Variants in ESRRG observed in about 807,000 individuals in gnomAD.
The protein encoded by ESRRG is estrogen-related receptor gamma.
ESRRG carries 13 observed loss-of-function variants against 44.0 expected under a neutral mutation model. The observed-to-expected ratio is 0.30, with a 90% CI of 0.19 to 0.47. The LOEUF is 0.47. ESRRG is among the 20% of genes least tolerant of loss of function. The probability of loss-of-function intolerance (pLI) is 1.00; values close to 1 mark genes in which losing one functional copy is unlikely to be tolerated. For synonymous variants in ESRRG, 215 were observed against 214.6 expected, an observed-to-expected ratio of 1.00 and a Z score of -0.02; for missense variants, 395 against 580.6, an observed-to-expected ratio of 0.68 and a Z score of 3.29.
intron 2 of ESRRG, among the ~76,000 whole-genome samples, chr1:216,768,610 C>T (rs897268736): frequency 6.6e-6 from 1 of 152,112 alleles, no homozygotes; most frequent in Non-Finnish European, 1.5e-5. Flanking sequence ...TTGCCTCAGC[C>T]TCCTCAGTAG....
At chr1:217,134,619 G>A (rs185602300) in intron 1 of ESRRG, among the ~76,000 whole-genome samples, 63 of 152,294 alleles carry the variant, frequency 4.1e-4, no homozygotes, top group African/African-American at 1.4e-3. Flanking sequence ...ACTTTGACCC[G>A]CCGTGCGCGA....
At chr1:216,647,392 T>C (rs2067858388) in intron 3 of ESRRG, among the ~76,000 whole-genome samples, 1 of 152,168 alleles carries the variant, frequency 6.6e-6, no homozygotes, top group African/African-American at 2.4e-5. Context: ...TTCAACAAAT[T>C]ATCATTTGTT....
chr1:216,934,933 C>T (rs372124657), intron 2 of ESRRG, among the ~76,000 whole-genome samples: 3 of 151,932 alleles, frequency 2.0e-5, no homozygotes, highest in Non-Finnish European at 2.9e-5. Flanking sequence ...AATGAATGGC[C>T]GGTATGTAGT....
At chr1:216,976,966 C>G (rs764657582) in intron 1 of ESRRG, among the ~76,000 whole-genome samples, 1 of 152,104 alleles carries the variant, frequency 6.6e-6, no homozygotes, top group Non-Finnish European at 1.5e-5. Context: ...TATGGAGCAT[C>G]TGGAATGGAG....
intron 2 of ESRRG, among the ~76,000 whole-genome samples, chr1:216,827,433 T>C (rs1443447563): frequency 6.6e-6 from 1 of 152,214 alleles, no homozygotes; most frequent in Non-Finnish European, 1.5e-5. Flanking sequence ...AATGCTGAGA[T>C]AAATCCTAGC....
At chr1:217,090,397 C>T (rs1212589045), upstream of ESRRG, 1 of 152,122 alleles carries the variant, frequency 6.6e-6, no homozygotes, top group Non-Finnish European at 1.5e-5. Flanking sequence ...AACCCACCTC[C>T]CAACCCTGAA....
At chr1:216,656,595 T>G (rs1210134988) in intron 2 of ESRRG, among the ~76,000 whole-genome samples, 1 of 152,196 alleles carries the variant, frequency 6.6e-6, no homozygotes, top group Non-Finnish European at 1.5e-5. Flanking sequence ...ATTTGTATAT[T>G]CCTTTCAGTC....
chr1:216,891,369 T>G (rs2149401718), intron 2 of ESRRG, among the ~76,000 whole-genome samples: 1 of 152,376 alleles, frequency 6.6e-6, no homozygotes, highest in South Asian at 2.1e-4. Context: ...CTAATGAAAC[T>G]TACTTTTCTC....
intron 1 of ESRRG, among the ~76,000 whole-genome samples, chr1:217,059,330 T>G (rs2087850316): frequency 6.6e-6 from 1 of 152,030 alleles, no homozygotes. Context: ...TTACATAGTT[T>G]TTATAAGTCT....
rs1175139909 is a variant in ESRRG, at chr1:216,504,089, T to C, written c.*2850A>G. 1.3e-5 allele frequency: 2 copies of C among 152,534 alleles called. No individual in the cohort carries two copies. The highest frequency in any genetic ancestry group is 2.9e-5 in the Non-Finnish European group (2 of 67,976). 9.4% of individuals were successfully genotyped at this position (152,534 alleles called of 1,614,324 possible). ...GTTACTTAAACTGAAAACTAAAAAA[T>C]TGTATCTCATTCTTTGAACATATCT... On this transcript the variant is annotated 3_prime_UTR_variant, in exon 7 of 7. Coordinates refer to ENST00000408911, the MANE Select transcript of ESRRG (RefSeq NM_001438.4).
chr1:216,539,031 C>T (rs1185471856), intron 5 of ESRRG, among the ~76,000 whole-genome samples: 1 of 151,960 alleles, frequency 6.6e-6, no homozygotes, highest in Non-Finnish European at 1.5e-5. Context: ...ACATTTAAAA[C>T]AGATTTTGAG....
rs1018560526 is a variant in ESRRG, at chr1:216,633,811, T to C, written c.589+17162A>G. The stretch of plus-strand genomic sequence containing the variant: ...ATGACATTTTATTCTGAGAAAGCAT[T>C]TGAATATTTCAGAAGAAAATTATTA... On this transcript the variant is annotated intron_variant, in intron 3 of 6. Coordinates refer to ENST00000408911, the MANE Select transcript of ESRRG (RefSeq NM_001438.4). Among the ~76,000 whole-genome samples, 3 of 152,248 alleles carry C rather than the reference T, an allele frequency of 2.0e-5. No homozygotes were observed. The South Asian group carries it at 6.2e-4, about 31-fold the overall frequency.
chr1:216,778,980 C>G (rs1185815122), intron 2 of ESRRG, among the ~76,000 whole-genome samples: 1 of 149,868 alleles, frequency 6.7e-6, no homozygotes, highest in Non-Finnish European at 1.5e-5. Flanking sequence ...CTCAGTCACT[C>G]ATCAACTCTG....
rs569316565 is a variant in ESRRG, at chr1:217,049,260, A to G, written c.-106+40247T>C. 6.6e-5 allele frequency among the ~76,000 whole-genome samples: 10 copies of G among 152,306 alleles called. No homozygotes were observed. The South Asian group carries it at 2.1e-3, about 32-fold the overall frequency. Reference sequence around the variant, plus strand: ...TTATGCAAACTAATTTTCTGAGTGTAGGAATTCTCAGAGCCTTTACTATGC... The same window carrying G: ...TTATGCAAACTAATTTTCTGAGTGTGGGAATTCTCAGAGCCTTTACTATGC... On this transcript the variant is annotated intron_variant, in intron 1 of 7. Coordinates refer to the ESRRG transcript ENST00000359162.
chr1:217,015,849 C>T (rs1049798662), intron 1 of ESRRG, among the ~76,000 whole-genome samples: 4 of 151,946 alleles, frequency 2.6e-5, no homozygotes, highest in Admixed American at 2.6e-4. Context: ...CCTGTCTCAG[C>T]CTCCTGAGTA....
intron 2 of ESRRG, among the ~76,000 whole-genome samples, chr1:216,812,710 T>G (rs1470148696): frequency 6.6e-6 from 1 of 152,194 alleles, no homozygotes; most frequent in Non-Finnish European, 1.5e-5. Context: ...CCACCCTGTT[T>G]TCTCCATGAC....
rs2091772069 is a variant in ESRRG at position 217,081,546 on chromosome 1, A to C, written c.-106+7961T>G. ...CAGGCCAAAAATATTCCTAAAAGAC[A>C]TATGTATGGTATCTAGAACTTGGAT... On this transcript the variant is annotated intron_variant, in intron 1 of 7. Coordinates refer to the ESRRG transcript ENST00000359162. Among the ~76,000 whole-genome samples the C allele has an allele frequency of 2.0e-5, 3 of 152,088 alleles. 1 individual carries two copies. The South Asian group carries it at 6.2e-4, about 32-fold the overall frequency.
At chr1:216,716,328 T>C (rs2084869903) in intron 1 of ESRRG, among the ~76,000 whole-genome samples, 1 of 152,074 alleles carries the variant, frequency 6.6e-6, no homozygotes, top group South Asian at 2.1e-4. Flanking sequence ...TAAAGATAAG[T>C]AAGCAAGCAA....
intron 3 of ESRRG, among the ~76,000 whole-genome samples, chr1:216,625,601 C>G (rs866687254): frequency 3.5e-4 from 53 of 152,184 alleles, no homozygotes; most frequent in African/African-American, 1.2e-3. Flanking sequence ...AATTAAGATT[C>G]AAACTCTGGA....
Sources: gnomAD v4.1 joint callset for allele counts (sites outside exome capture counted in the v4.1 genomes callset) on GRCh38, gnomAD v4.1.1 for gene constraint, MANE v1.5 for transcripts, NCBI Gene and HGNC (gene_info 2026-07-23, HGNC 2026-07-21) for gene names.